Variants in TIAM2 observed in about 807,000 individuals in gnomAD.
TIAM2 encodes TIAM Rac1 associated GEF 2, also known as rho guanine nucleotide exchange factor TIAM2.
TIAM2 carries 80 observed loss-of-function variants against 152.9 expected under a neutral mutation model. The ratio of observed to expected loss-of-function variants is 0.52; its 90% CI spans 0.44 to 0.63. The LOEUF is 0.63. Among genes scored for constraint, TIAM2 ranks in the 30% least tolerant of loss-of-function variants. The pLI, the probability that TIAM2 is intolerant of heterozygous loss-of-function variation, is 0.00. For synonymous variants in TIAM2, 804 were observed against 838.0 expected, an observed-to-expected ratio of 0.96 and a Z score of 0.70; for missense variants, 1,965 against 2,120.1, an observed-to-expected ratio of 0.93 and a Z score of 1.44.
chr6:155,098,393 T>C (rs1476222917), intron 2 of TIAM2, among the ~76,000 whole-genome samples: 1 of 152,244 alleles, frequency 6.6e-6, no homozygotes, highest in African/African-American at 2.4e-5. Context: ...GATCTTTTAC[T>C]TCTTTGGTTA....
At chr6:155,147,321 T>C (rs192665200) in intron 6 of TIAM2, among the ~76,000 whole-genome samples, 1 of 151,956 alleles carries the variant, frequency 6.6e-6, no homozygotes, top group Admixed American at 6.6e-5. Context: ...ATTTATTTAT[T>C]TTTGAGATTG....
At chr6:155,168,015 A>G (rs117218360) in intron 9 of TIAM2, among the ~76,000 whole-genome samples, 4 of 152,372 alleles carry the variant, frequency 2.6e-5, no homozygotes, top group Non-Finnish European at 5.9e-5. Context: ...AAACAAAAGC[A>G]TTTGGTCGAA....
chr6:155,046,236 C>T (rs1028344808), intron 1 of TIAM2, among the ~76,000 whole-genome samples: 6 of 152,030 alleles, frequency 3.9e-5, no homozygotes, highest in East Asian at 1.9e-4. Context: ...TTCCTGTTTC[C>T]AGCATTGCTG....
At chr6:155,135,456 C>T (rs897236129) in intron 4 of TIAM2, among the ~76,000 whole-genome samples, 4 of 152,156 alleles carry the variant, frequency 2.6e-5, no homozygotes, top group African/African-American at 4.8e-5. Flanking sequence ...GTGTGCTTGG[C>T]GTCTCTGCAG....
At chr6:155,118,431 T>C in intron 2 of TIAM2, among the ~76,000 whole-genome samples, 1 of 87,948 alleles carries the variant, frequency 1.1e-5, no homozygotes, top group East Asian at 5.3e-4. Context: ...TTCTTTTTCT[T>C]TTTCTTTTTT....
At chr6:155,021,684 GT>G (rs1277700346) in intron 1 of TIAM2, among the ~76,000 whole-genome samples, 1 of 152,156 alleles carries the variant, frequency 6.6e-6, no homozygotes, top group African/African-American at 2.4e-5. Context: ...AAGTGCTAGG[GT>G]TTTTTGAACC....
chr6:155,050,251 C>T (rs1277462969), intron 1 of TIAM2, among the ~76,000 whole-genome samples: 2 of 152,128 alleles, frequency 1.3e-5, no homozygotes, highest in East Asian at 1.9e-4. Context: ...AGGCTGGTCT[C>T]GTGACCTCAA....
chr6:155,206,027 G>T (rs762946771), intron 14 of TIAM2, among the ~76,000 whole-genome samples: 2 of 150,800 alleles, frequency 1.3e-5, no homozygotes, highest in Non-Finnish European at 2.9e-5. Flanking sequence ...TTGCCCTTTC[G>T]TTGTAAAGGA....
chr6:155,189,884 C>T (rs1390119216), intron 14 of TIAM2, among the ~76,000 whole-genome samples: 3 of 152,052 alleles, frequency 2.0e-5, no homozygotes, highest in African/African-American at 4.8e-5. Context: ...TTGATCTCAG[C>T]GCTGCAGTTG....
intron 14 of TIAM2, among the ~76,000 whole-genome samples, chr6:155,190,842 A>G (rs1240722689): frequency 9.2e-6 from 1 of 108,738 alleles, no homozygotes; most frequent in African/African-American, 4.3e-5. Flanking sequence ...AGGAAAAGGA[A>G]AAAAAAAAAG....
rs1212197105 is a variant in TIAM2, at chr6:155,183,513, T to A, written c.3064+13T>A. ...AATACAGCCAATGGTAAGGCTTTGT[T>A]CTGTCTTCCTTCTTAACTGCTGGTA... On this transcript the variant is annotated intron_variant, in intron 14 of 26. Coordinates refer to ENST00000682666, the MANE Select transcript of TIAM2 (RefSeq NM_012454.4). 6 of 1,596,116 alleles carry A rather than the reference T, an allele frequency of 3.8e-6. No homozygotes were observed. The highest frequency in any genetic ancestry group is 5.1e-6 in the Non-Finnish European group (6 of 1,171,346).
At chr6:155,119,313 G>A (rs1365472931) in intron 2 of TIAM2, among the ~76,000 whole-genome samples, 1 of 151,804 alleles carries the variant, frequency 6.6e-6, no homozygotes, top group Non-Finnish European at 1.5e-5. Flanking sequence ...GGGATTACAG[G>A]CGTGAGCCAC....
intron 2 of TIAM2, among the ~76,000 whole-genome samples, chr6:155,098,041 T>C (rs944649136): frequency 3.3e-5 from 5 of 152,196 alleles, no homozygotes; most frequent in Non-Finnish European, 7.3e-5. Flanking sequence ...CTTTCTTTCT[T>C]AAGCCAGTAC....
In TIAM2 at chr6:155,130,005, G is replaced by A. The variant is rs1451467921; in HGVS notation, c.782G>A (p.Ser261Asn). Reference sequence around the variant, plus strand: ...CCTTGGGGCAATGCTGGAGAGCTGAGCGAGGCTGAGGGCTCCTTCCTGGCC... The same window carrying A: ...CCTTGGGGCAATGCTGGAGAGCTGAACGAGGCTGAGGGCTCCTTCCTGGCC... ...DSPWGNAGEL[S>N]EAEGSFLAPG... Residue 261 changes from serine to asparagine, a missense_variant, in exon 4 of 27, where the codon AGC becomes AAC. Physicochemically the swap from Ser to Asn is conservative, Grantham distance 46 (BLOSUM62 1). This residue lies in a region of TIAM2 where 1,025 missense variants were observed against 1,119.4 expected (regional missense o/e 0.92). Transcript: ENST00000682666. 6.2e-7 allele frequency: 1 copy of A among 1,614,124 alleles called. No individual in the cohort carries two copies.
At chr6:155,133,766 C>T (rs895544589) in intron 4 of TIAM2, among the ~76,000 whole-genome samples, 4 of 150,690 alleles carry the variant, frequency 2.7e-5, no homozygotes, top group Admixed American at 2.0e-4. Context: ...TGGAGTCTTG[C>T]TCTTTTTGCC....
intron 5 of TIAM2, among the ~76,000 whole-genome samples, chr6:155,140,024 C>T (rs1779654941): frequency 6.6e-6 from 1 of 152,156 alleles, no homozygotes; most frequent in Admixed American, 6.5e-5. Context: ...CATGTGTTTC[C>T]AAGTTGATGT....
chr6:155,028,109 T>A (rs1263684500), intron 1 of TIAM2, among the ~76,000 whole-genome samples: 1 of 111,890 alleles, frequency 8.9e-6, no homozygotes, highest in Non-Finnish European at 1.7e-5. Flanking sequence ...ATATAATATA[T>A]GTACTGTGTT....
intron 26 of TIAM2, chr6:155,254,938 C>CCACCG: frequency 5.7e-6 from 1 of 176,254 alleles, no homozygotes; most frequent in South Asian, 1.7e-4. Flanking sequence ...GAACCTTACA[C>CCACCG]AGAGGGTCTC....
intron 1 of TIAM2, among the ~76,000 whole-genome samples, chr6:155,074,719 C>T (rs17085928): frequency 0.13 from 19,199 of 151,944 alleles, 1,634 homozygotes; most frequent in African/African-American, 0.23. Context: ...GTGTTTATTA[C>T]GTTCTTTCTA....
Sources: allele counts gnomAD v4.1 joint callset (sites outside exome capture counted in the v4.1 genomes callset), GRCh38; gene constraint gnomAD v4.1.1; regional missense constraint gnomAD v4.1.1; transcripts MANE v1.5; gene names NCBI Gene and HGNC (gene_info 2026-07-23, HGNC 2026-07-21).